PTP4A3: variants seen among roughly 807,000 people sequenced by gnomAD.
PTP4A3 encodes protein tyrosine phosphatase type IVA 3.
Under a neutral mutation model 15.2 loss-of-function variants are expected in PTP4A3, and 9 were observed. That is an observed-to-expected ratio of 0.59 (90% CI 0.36 to 1.03). PTP4A3 has a LOEUF of 1.03. PTP4A3 is among the 50% of genes least tolerant of loss of function. PTP4A3 has a pLI of 0.02. For synonymous variants in PTP4A3, 95 were observed against 102.0 expected (o/e 0.93, Z 0.41); for missense variants, 234 against 252.1 (o/e 0.93, Z 0.49).
Position 141,425,229 on chromosome 8 carries a change from GC to G in PTP4A3, c.198+93del. On this transcript the variant is annotated intron_variant, in intron 3 of 5. Coordinates refer to ENST00000521578, the MANE Select transcript of PTP4A3 (RefSeq NM_032611.3). This position sits in a 1 kb window ranked among gnomAD's most constrained non-coding sequence, Gnocchi z 4.2. ...TCCGGGCCTGCGCAGAGGGTTTGGTGCCCCTCCTGTGGCAGCCCTGGGCATG... is the reference window on the plus strand; with the variant it reads ...TCCGGGCCTGCGCAGAGGGTTTGGTGCCCTCCTGTGGCAGCCCTGGGCATG... 7.5e-7 allele frequency: 1 copy of G among 1,332,100 alleles called. No individual in the cohort carries two copies. The highest frequency in any genetic ancestry group is 2.4e-4 in the Middle Eastern group (1 of 4,246). 82.5% of individuals were successfully genotyped at this position (1,332,100 alleles called of 1,614,324 possible).
At chr8:141,397,877 G>A (rs949520521) in intron 1 of PTP4A3, among the ~76,000 whole-genome samples, 1 of 152,218 alleles carries the variant, frequency 6.6e-6, no homozygotes, top group Non-Finnish European at 1.5e-5. Context: ...CCACTAGCCC[G>A]CTCTCTGTCC....
At chr8:141,419,571 GTTTT>G (rs66940476) in intron 1 of PTP4A3, among the ~76,000 whole-genome samples, 1 of 132,168 alleles carries the variant, frequency 7.6e-6, no homozygotes, top group Non-Finnish European at 1.6e-5. Flanking sequence ...CCCACCACCG[GTTTT>G]TTTTTTTTTT....
chr8:141,424,321 A>G (rs1833468958), intron 2 of PTP4A3, among the ~76,000 whole-genome samples: 1 of 152,112 alleles, frequency 6.6e-6, no homozygotes, highest in Non-Finnish European at 1.5e-5. Context: ...GGGTATAACT[A>G]TCGGCCTGGC....
At chr8:141,393,886 T>G (rs1832369292) in intron 1 of PTP4A3, among the ~76,000 whole-genome samples, 1 of 152,216 alleles carries the variant, frequency 6.6e-6, no homozygotes, top group Admixed American at 6.5e-5. Flanking sequence ...CATGGGTGGC[T>G]GGGCTCAAAG....
intron 1 of PTP4A3, among the ~76,000 whole-genome samples, chr8:141,399,054 A>T (rs1360525015): frequency 1.3e-5 from 2 of 151,008 alleles, no homozygotes; most frequent in African/African-American, 4.9e-5. Flanking sequence ...GGCTTCCTGG[A>T]AGAGGCTCGG....
chr8:141,407,499 G>T (rs977443319), intron 1 of PTP4A3, among the ~76,000 whole-genome samples: 1 of 152,080 alleles, frequency 6.6e-6, no homozygotes, highest in Non-Finnish European at 1.5e-5. Context: ...AGTAGAACAA[G>T]CTTGCCCAGC....
chr8:141,393,984 A>G (rs932196111), intron 1 of PTP4A3, among the ~76,000 whole-genome samples: 1 of 152,214 alleles, frequency 6.6e-6, no homozygotes, highest in Non-Finnish European at 1.5e-5. Context: ...CCCAAGCTAC[A>G]CAGACGTGAC....
chr8:141,425,191 T>TGGGGGGGGGGGG lies in PTP4A3; in HGVS notation c.198+55_198+56insGGGGGGGGGGGG. The TGGGGGGGGGGGG allele has an allele frequency of 1.4e-5, 4 of 287,806 alleles. No individual in the cohort carries two copies. Among genetic ancestry groups the TGGGGGGGGGGGG allele is most frequent in the East Asian group, 8.7e-5 (1 of 11,448 alleles). The allele number at this position is 287,806 out of a possible 1,614,324, so 17.8% of individuals were successfully genotyped here. On this transcript the variant is annotated intron_variant, in intron 3 of 5. Transcript: ENST00000521578. This position sits in a 1 kb window ranked among gnomAD's most constrained non-coding sequence, Gnocchi z 4.2. ...AGTCACTGCTGCCACCGGGGGAGGG[T>TGGGGGGGGGGGG]GGGGCGGGGGGCTCCGGGCCTGCGC...
At chr8:141,412,045 G>T (rs1410554038) in intron 1 of PTP4A3, among the ~76,000 whole-genome samples, 1 of 151,786 alleles carries the variant, frequency 6.6e-6, no homozygotes, top group Non-Finnish European at 1.5e-5. Context: ...ACCACGCGAG[G>T]CCACTACACA....
intron 5 of PTP4A3, 110 bp from the exon 6 acceptor site, chr8:141,430,817 T>G (rs926909644): frequency 6.7e-6 from 7 of 1,039,472 alleles, no homozygotes; most frequent in Non-Finnish European, 1.0e-5. Flanking sequence ...TTGGCCAGCC[T>G]CAAGGCCTTA....
chr8:141,411,612 C>A (rs933320832), intron 1 of PTP4A3, among the ~76,000 whole-genome samples: 1 of 152,256 alleles, frequency 6.6e-6, no homozygotes, highest in African/African-American at 2.4e-5. Flanking sequence ...CCGTGCAGGG[C>A]TGGCTATTTT....
intron 1 of PTP4A3, among the ~76,000 whole-genome samples, chr8:141,415,225 G>A (rs13262811): frequency 0.86 from 130,412 of 152,040 alleles, 56,405 homozygotes; most frequent in African/African-American, 0.94. Context: ...CCTCCAGCGC[G>A]GCAAGGAACG....
At chr8:141,392,864 C>T (rs1032593302) in intron 1 of PTP4A3, among the ~76,000 whole-genome samples, 1 of 152,324 alleles carries the variant, frequency 6.6e-6, no homozygotes, top group East Asian at 1.9e-4. Context: ...CCAAGGGCAG[C>T]GTGAGGTCCA....
At chr8:141,419,872 C>T (rs1833245736) in intron 1 of PTP4A3, among the ~76,000 whole-genome samples, 1 of 152,194 alleles carries the variant, frequency 6.6e-6, no homozygotes, top group African/African-American at 2.4e-5. Context: ...AGCCACTGCG[C>T]CTGACACCCA....
Position 141,425,079 on chromosome 8 carries a change from T to C in PTP4A3, c.137T>C (p.Val46Ala). The change falls in exon 3 of 6, where the codon GTG becomes GCG. Residue 46 changes from valine to alanine, a missense_variant. Val to Ala is a moderately conservative substitution (Grantham distance 64). Coordinates refer to ENST00000521578, the MANE Select transcript of PTP4A3 (RefSeq NM_032611.3). This position sits in a 1 kb window ranked among gnomAD's most constrained non-coding sequence, Gnocchi z 4.2. ...AAGAAGTACGGGGCTACCACTGTGG[T>C]GCGTGTGTGTGAAGTGACCTATGAC... is the stretch of plus-strand genomic sequence containing the variant. ...DLKKYGATTV[V>A]RVCEVTYDKT... 6.2e-7 allele frequency: 1 copy of C among 1,611,164 alleles called. No homozygotes were observed. The highest frequency in any genetic ancestry group is 8.5e-7 in the Non-Finnish European group (1 of 1,178,640).
At chr8:141,393,745 C>T (rs1051481691) in intron 1 of PTP4A3, among the ~76,000 whole-genome samples, 3 of 152,188 alleles carry the variant, frequency 2.0e-5, no homozygotes, top group African/African-American at 7.2e-5. Flanking sequence ...CAAGTAACAG[C>T]CCAGAACATG....
intron 3 of PTP4A3, chr8:141,426,349 A>G: frequency 2.6e-6 from 2 of 783,014 alleles, no homozygotes; most frequent in South Asian, 1.2e-4. Flanking sequence ...AGCACAGGTC[A>G]TCTTCCAAGA....
chr8:141,417,886 T>C (rs1363292102), intron 1 of PTP4A3, among the ~76,000 whole-genome samples: 1 of 151,768 alleles, frequency 6.6e-6, no homozygotes, highest in Non-Finnish European at 1.5e-5. Context: ...GCGCTATAAA[T>C]AGCCGCAGGC....
At position 141,397,463 on chromosome 8, in the gene PTP4A3, C is replaced by T. The variant is rs370682796; in HGVS notation, c.-854+5379C>T. ...CTGCTGGGAAGGGCCTCTGCCATGC[C>T]CAGCTCCTACCACAAGTACAGAACA... On this transcript the variant is annotated intron_variant, in intron 1 of 5. Coordinates refer to ENST00000521578, the MANE Select transcript of PTP4A3 (RefSeq NM_032611.3). Among the ~76,000 whole-genome samples, 87 of 152,348 alleles carry T rather than the reference C, an allele frequency of 5.7e-4. No homozygotes were observed. In the Middle Eastern group the frequency reaches 0.014, roughly 24 times the overall value.
Sources: gnomAD v4.1 joint callset for allele counts (sites outside exome capture counted in the v4.1 genomes callset) on GRCh38, gnomAD v4.1.1 for gene constraint, Gnocchi (gnomAD v3.1) non-coding constraint, MANE v1.5 for transcripts, NCBI Gene and HGNC (gene_info 2026-07-23, HGNC 2026-07-21) for gene names.